The following PTPRD variants were observed in gnomAD, a reference collection of about 807,000 sequenced individuals.
The protein encoded by PTPRD is protein tyrosine phosphatase receptor type D.
PTPRD carries 34 observed loss-of-function variants against 214.5 expected under a neutral mutation model. The observed-to-expected ratio is 0.16, with a 90% CI of 0.12 to 0.21. PTPRD has a LOEUF of 0.21. Ranked by LOEUF, PTPRD falls within the 10% of genes least tolerant of loss-of-function variation. The pLI is 1.00. For missense variants in PTPRD, 2,545 were observed against 2,398.7 expected (o/e 1.06, Z -1.27); for synonymous variants, 1,128 against 845.7 (o/e 1.33, Z -5.79).
intron 5 of PTPRD, among the ~76,000 whole-genome samples, chr9:9,923,332 GAC>G (rs1167326660): frequency 3.4e-5 from 5 of 148,602 alleles, no homozygotes; most frequent in Non-Finnish European, 3.0e-5. Context: ...TTAAAAGAAA[GAC>G]ACAAAGAGAT....
At chr9:10,520,027 G>A (rs1437108002) in intron 2 of PTPRD, among the ~76,000 whole-genome samples, 1 of 151,934 alleles carries the variant, frequency 6.6e-6, no homozygotes, top group African/African-American at 2.4e-5. Flanking sequence ...ATTCAACAAT[G>A]GCCTCTAAGT....
rs532306485 is a variant in PTPRD at position 9,989,551 on chromosome 9, C to G, written c.-472+44167G>C. Among the ~76,000 whole-genome samples, 4 of 152,208 alleles carry G rather than the reference C, an allele frequency of 2.6e-5. No individual in the cohort carries two copies. In the South Asian group the frequency reaches 8.3e-4, roughly 32 times the overall value. ...CCATTCCATCCCCCTTCTAGCTCCC[C>G]TTCTTGCCGAGAGCCACTTCCTCTG... On this transcript the variant is annotated intron_variant, in intron 4 of 45. Coordinates refer to ENST00000381196, the MANE Select transcript of PTPRD (RefSeq NM_002839.4).
chr9:10,533,361 A>C (rs1276332913), intron 2 of PTPRD, among the ~76,000 whole-genome samples: 2 of 152,156 alleles, frequency 1.3e-5, no homozygotes, highest in Non-Finnish European at 2.9e-5. Flanking sequence ...TGTATTTAGC[A>C]ATTAATTAGC....
At chr9:10,125,557 C>A (rs1397803053) in intron 3 of PTPRD, among the ~76,000 whole-genome samples, 1 of 150,614 alleles carries the variant, frequency 6.6e-6, no homozygotes, top group Non-Finnish European at 1.5e-5. Flanking sequence ...CAGGTTCAAG[C>A]GATTCTCCTG....
In PTPRD at chr9:10,291,302, T is replaced by C. The variant is rs80227934; in HGVS notation, c.-545+49661A>G. 4.8e-3 allele frequency among the ~76,000 whole-genome samples: 731 copies of C among 152,052 alleles called. 6 individuals are homozygous for C. Among genetic ancestry groups the C allele is most frequent in the African/African-American group, 0.016 (681 of 41,496 alleles). ...ATGCAGAGGCAAAGTAGAAAGAATATGTAGTAGATGGAATGATGGTCTCAA... is the reference window on the plus strand; with the variant it reads ...ATGCAGAGGCAAAGTAGAAAGAATACGTAGTAGATGGAATGATGGTCTCAA... On this transcript the variant is annotated intron_variant, in intron 3 of 45. Coordinates refer to ENST00000381196, the MANE Select transcript of PTPRD (RefSeq NM_002839.4).
intron 9 of PTPRD, among the ~76,000 whole-genome samples, chr9:9,212,585 C>A (rs1363648562): frequency 6.6e-6 from 1 of 152,078 alleles, no homozygotes; most frequent in Non-Finnish European, 1.5e-5. Flanking sequence ...CCCTACACAG[C>A]CAGTCAATAG....
intron 11 of PTPRD, among the ~76,000 whole-genome samples, chr9:8,823,569 T>C (rs900940930): frequency 1.3e-5 from 2 of 151,972 alleles, no homozygotes; most frequent in South Asian, 2.1e-4. Context: ...GAAGATCACC[T>C]GGGCCAGGGA....
Position 10,567,738 on chromosome 9 carries a change from A to G in PTPRD, c.-600+44660T>C, listed in dbSNP as rs1423469422. On this transcript the variant is annotated intron_variant, in intron 2 of 45. Transcript: ENST00000381196. Reference sequence around the variant, plus strand: ...ACTACCAAATAATTATTTGTCTCTGAATTTTTGTCTATATATATACATATA... The same window carrying G: ...ACTACCAAATAATTATTTGTCTCTGGATTTTTGTCTATATATATACATATA... 3.3e-5 allele frequency among the ~76,000 whole-genome samples: 5 copies of G among 151,610 alleles called. No individual in the cohort carries two copies. The East Asian group carries it at 9.7e-4, about 29-fold the overall frequency.
chr9:8,776,869 C>T (rs1456547755), intron 11 of PTPRD, among the ~76,000 whole-genome samples: 3 of 144,810 alleles, frequency 2.1e-5, no homozygotes, highest in Non-Finnish European at 4.5e-5. Context: ...TTATATAATA[C>T]ATATGTATAG....
chr9:9,821,042 A>C, intron 5 of PTPRD, among the ~76,000 whole-genome samples: 1 of 152,154 alleles, frequency 6.6e-6, no homozygotes, highest in South Asian at 2.1e-4. Context: ...TAGGAATAGC[A>C]CTGAATCTGT....
chr9:10,528,751 T>G (rs990358837), intron 2 of PTPRD, among the ~76,000 whole-genome samples: 15 of 152,198 alleles, frequency 9.9e-5, no homozygotes, highest in Non-Finnish European at 1.9e-4. Context: ...CAGTTGAGAT[T>G]TAACTGTGAG....
At chr9:9,935,187 C>G (rs1184563228) in intron 5 of PTPRD, among the ~76,000 whole-genome samples, 2 of 151,952 alleles carry the variant, frequency 1.3e-5, no homozygotes, top group Non-Finnish European at 2.9e-5. Flanking sequence ...CCCTCTCTCA[C>G]CACTCCTATT....
intron 7 of PTPRD, among the ~76,000 whole-genome samples, chr9:9,608,147 T>G (rs958166612): frequency 3.3e-5 from 5 of 152,148 alleles, no homozygotes; most frequent in African/African-American, 1.2e-4. Flanking sequence ...AGTAGCTACC[T>G]CATTGATTGA....
At chr9:8,360,356 A>C (rs1239348316) in intron 39 of PTPRD, among the ~76,000 whole-genome samples, 1 of 152,224 alleles carries the variant, frequency 6.6e-6, no homozygotes, top group African/African-American at 2.4e-5. Context: ...ATCATTGGTC[A>C]TACTCAAATA....
At chr9:8,722,021 G>A (rs906652076) in intron 12 of PTPRD, among the ~76,000 whole-genome samples, 1 of 152,064 alleles carries the variant, frequency 6.6e-6, no homozygotes, top group African/African-American at 2.4e-5. Context: ...TGTCACAACT[G>A]GACTGTAAGC....
chr9:8,787,420 C>A (rs1352871625), intron 11 of PTPRD, among the ~76,000 whole-genome samples: 2 of 152,156 alleles, frequency 1.3e-5, no homozygotes, highest in Non-Finnish European at 2.9e-5. Flanking sequence ...TTGTTCCCTG[C>A]CCTTTATCTT....
At chr9:10,298,888 G>C (rs1024187087) in intron 3 of PTPRD, among the ~76,000 whole-genome samples, 2 of 151,918 alleles carry the variant, frequency 1.3e-5, no homozygotes, top group Admixed American at 6.6e-5. Flanking sequence ...AAGGCACTGA[G>C]ATATTTTTAA....
intron 11 of PTPRD, among the ~76,000 whole-genome samples, chr9:9,010,359 G>A (rs2099505071): frequency 6.6e-6 from 1 of 152,162 alleles, no homozygotes; most frequent in Admixed American, 6.5e-5. Flanking sequence ...ACATTGACAT[G>A]CTATAGGATA....
At chr9:9,065,701 A>C (rs1332883549) in intron 10 of PTPRD, among the ~76,000 whole-genome samples, 1 of 152,158 alleles carries the variant, frequency 6.6e-6, no homozygotes, top group African/African-American at 2.4e-5. Flanking sequence ...GGCTTAGATC[A>C]GAGTTTTAGA....
Sources: allele counts gnomAD v4.1 joint callset (sites outside exome capture counted in the v4.1 genomes callset), GRCh38; gene constraint gnomAD v4.1.1; transcripts MANE v1.5; gene names NCBI Gene and HGNC (gene_info 2026-07-23, HGNC 2026-07-21).